The following DCC variants were observed in gnomAD, a reference collection of about 807,000 sequenced individuals.
DCC encodes the protein DCC netrin 1 receptor.
In DCC, 58 loss-of-function variants were observed where a neutral mutation model predicts 172.5. That is an observed-to-expected ratio of 0.34 (90% CI 0.27 to 0.42). The LOEUF (loss-of-function observed/expected upper bound fraction) is 0.42. Ranked by LOEUF, DCC falls within the 10% of genes least tolerant of loss-of-function variation. The probability of loss-of-function intolerance (pLI) is 1.00; values close to 1 mark genes in which losing one functional copy is unlikely to be tolerated. For missense variants in DCC, 1,740 were observed against 1,791.0 expected (o/e 0.97, Z 0.51); for synonymous variants, 709 against 644.5 (o/e 1.10, Z -1.52).
chr18:52,388,721 C>T (rs1985915322), intron 1 of DCC, among the ~76,000 whole-genome samples: 1 of 152,094 alleles, frequency 6.6e-6, no homozygotes, highest in Non-Finnish European at 1.5e-5. Flanking sequence ...GCCTTCTCTT[C>T]TGCTTTCAGC....
chr18:52,534,008 T>C (rs952153877), intron 1 of DCC, among the ~76,000 whole-genome samples: 1 of 152,142 alleles, frequency 6.6e-6, no homozygotes, highest in Non-Finnish European at 1.5e-5. Flanking sequence ...TTTTCAAGGT[T>C]CAGCTATGTT....
intron 7 of DCC, among the ~76,000 whole-genome samples, chr18:53,146,312 A>G (rs2043913639): frequency 6.6e-6 from 1 of 152,224 alleles, no homozygotes; most frequent in Admixed American, 6.5e-5. Flanking sequence ...CTGGGAGCAC[A>G]AGGTGAAAGC....
intron 27 of DCC, among the ~76,000 whole-genome samples, chr18:53,500,018 C>T (rs1466050956): frequency 6.6e-6 from 1 of 152,144 alleles, no homozygotes; most frequent in Non-Finnish European, 1.5e-5. Flanking sequence ...GTGCTGAGTA[C>T]AACTCAATTA....
In DCC at chr18:52,751,875, C is replaced by T. The variant is rs562429633; in HGVS notation, c.92-179C>T. On this transcript the variant is annotated intron_variant, in intron 1 of 28. Transcript: ENST00000442544. The stretch of plus-strand genomic sequence containing the variant: ...ATTGTTTTCTTAATTATGATTACCT[C>T]GACTGGGTACTTTTTTGCTTATTTA... Among the ~76,000 whole-genome samples the T allele has an allele frequency of 1.2e-4, 18 of 151,716 alleles. No individual in the cohort carries two copies. In the South Asian group the frequency reaches 3.6e-3, roughly 30 times the overall value.
chr18:53,484,416 G>C (rs2045877400), intron 25 of DCC, among the ~76,000 whole-genome samples: 1 of 151,120 alleles, frequency 6.6e-6, no homozygotes, highest in African/African-American at 2.4e-5. Flanking sequence ...TTCCTTTGCT[G>C]TGCAGAAGCT....
chr18:53,209,181 C>A (rs1023626233), intron 11 of DCC, among the ~76,000 whole-genome samples: 1 of 152,094 alleles, frequency 6.6e-6, no homozygotes, highest in Admixed American at 6.5e-5. Flanking sequence ...AAGAGAGGAA[C>A]AAATCTTAAT....
chr18:53,196,429 T>C (rs896997417), intron 9 of DCC, among the ~76,000 whole-genome samples: 1 of 152,206 alleles, frequency 6.6e-6, no homozygotes, highest in Admixed American at 6.5e-5. Context: ...TACTTGGTTG[T>C]GTTAGTGAAA....
intron 1 of DCC, among the ~76,000 whole-genome samples, chr18:52,355,048 C>A (rs1439235720): frequency 6.6e-6 from 1 of 152,082 alleles, no homozygotes; most frequent in Non-Finnish European, 1.5e-5. Context: ...GAAAATGGAA[C>A]AAGATAAAGT....
chr18:53,504,345 G>T (rs2046142418), intron 27 of DCC, among the ~76,000 whole-genome samples: 1 of 152,142 alleles, frequency 6.6e-6, no homozygotes, highest in Non-Finnish European at 1.5e-5. Flanking sequence ...CCTTTAGAAG[G>T]TGACACAAGA....
At chr18:53,403,157 TTAGAA>T (rs1441213177) in intron 19 of DCC, among the ~76,000 whole-genome samples, 1 of 151,680 alleles carries the variant, frequency 6.6e-6, no homozygotes, top group African/African-American at 2.4e-5. Flanking sequence ...TGTATTTCAA[TTAGAA>T]TAGACCTTTT....
chr18:53,010,646 TTAAG>T (rs573826672), intron 5 of DCC, among the ~76,000 whole-genome samples: 105 of 150,840 alleles, frequency 7.0e-4, no homozygotes, highest in African/African-American at 2.3e-3. Context: ...ATACAAGATA[TTAAG>T]TAAGACACAT....
intron 27 of DCC, among the ~76,000 whole-genome samples, chr18:53,524,117 G>T (rs1304105738): frequency 6.6e-6 from 1 of 151,930 alleles, no homozygotes; most frequent in South Asian, 2.1e-4. Flanking sequence ...CTTAAAAATT[G>T]CTGAGAATTG....
intron 5 of DCC, among the ~76,000 whole-genome samples, chr18:52,996,084 A>C (rs1311159021): frequency 6.6e-6 from 1 of 152,042 alleles, no homozygotes; most frequent in African/African-American, 2.4e-5. Context: ...TGGCTGTGGC[A>C]GGGAGATGGA....
At chr18:53,239,836 G>A (rs1405692951) in intron 12 of DCC, among the ~76,000 whole-genome samples, 1 of 151,692 alleles carries the variant, frequency 6.6e-6, no homozygotes, top group African/African-American at 2.4e-5. Flanking sequence ...AATAACCAAG[G>A]GCTGATAATA....
At chr18:53,249,582 T>G (rs1252364147) in intron 12 of DCC, among the ~76,000 whole-genome samples, 1 of 151,964 alleles carries the variant, frequency 6.6e-6, no homozygotes, top group Non-Finnish European at 1.5e-5. Context: ...ACTCATTTGT[T>G]GTACCAAATT....
rs1378911729 is a variant in DCC at position 53,459,470 on chromosome 18, T to A, written c.3619+12T>A. On this transcript the variant is annotated intron_variant, in intron 24 of 28. Coordinates refer to ENST00000442544, the MANE Select transcript of DCC (RefSeq NM_005215.4). The stretch of plus-strand genomic sequence containing the variant: ...CACCTCTCATTCAGGTAATTATCTT[T>A]TCACTGGCATTAGGGAAAACATACC... 6.5e-7 allele frequency: 1 copy of A among 1,528,028 alleles called. No homozygotes were observed. Among genetic ancestry groups the A allele is most frequent in the African/African-American group, 1.4e-5 (1 of 73,090 alleles). 94.7% of individuals were successfully genotyped at this position (1,528,028 alleles called of 1,614,324 possible). A position where few individuals can be genotyped will look rare whatever the true frequency, so the allele number is the denominator to read the frequency against.
intron 5 of DCC, among the ~76,000 whole-genome samples, chr18:52,998,628 C>A (rs371913113): frequency 6.6e-6 from 1 of 152,086 alleles, no homozygotes; most frequent in Non-Finnish European, 1.5e-5. Context: ...CAGTCATTCT[C>A]GTGACCAATG....
chr18:53,075,055 T>C (rs886900712), intron 7 of DCC, among the ~76,000 whole-genome samples: 3 of 151,656 alleles, frequency 2.0e-5, no homozygotes, highest in Non-Finnish European at 4.4e-5. Context: ...AGGCATTTAT[T>C]GGGATGGATA....
chr18:53,369,450 T>A (rs905499425), intron 15 of DCC, among the ~76,000 whole-genome samples: 1 of 151,914 alleles, frequency 6.6e-6, no homozygotes, highest in African/African-American at 2.4e-5. Context: ...TACTTCTTTT[T>A]TTTCCAGTTC....
Sources: allele counts gnomAD v4.1 joint callset (sites outside exome capture counted in the v4.1 genomes callset), GRCh38; gene constraint gnomAD v4.1.1; transcripts MANE v1.5; gene names NCBI Gene and HGNC (gene_info 2026-07-23, HGNC 2026-07-21).